Variants in POLR3K observed in about 807,000 individuals in gnomAD.
POLR3K encodes the protein DNA-directed RNA polymerase III subunit RPC10.
A neutral mutation model predicts 13.5 loss-of-function variants in POLR3K; 11 were observed. The ratio of observed to expected loss-of-function variants is 0.81; its 90% confidence interval spans 0.51 to 1.35. The LOEUF (loss-of-function observed/expected upper bound fraction) is 1.35. POLR3K is among the 40% of genes most tolerant of loss of function. POLR3K has a pLI of 0.00. For missense variants in POLR3K, 144 were observed against 145.3 expected (o/e 0.99, Z 0.05); for synonymous variants, 56 against 51.5 (o/e 1.09, Z -0.38).
intron 2 of POLR3K, among the ~76,000 whole-genome samples, chr16:51,270 G>T (rs1193789216): frequency 6.6e-6 from 1 of 151,876 alleles, no homozygotes; most frequent in African/African-American, 2.4e-5. Context: ...CGCGGTCTAC[G>T]AATATGGATT....
rs1473162863 is a variant in POLR3K at position 47,835 on chromosome 16, C to T, written c.200-278G>A. Among the ~76,000 whole-genome samples the T allele has an allele frequency of 5.7e-5, 6 of 105,268 alleles. No individual in the cohort carries two copies. The South Asian group carries it at 1.1e-3, about 20-fold the overall frequency. 69.1% of individuals were successfully genotyped at this position (105,268 alleles called of 152,430 possible). A position where few individuals can be genotyped will look rare whatever the true frequency, so the allele number is the denominator to read the frequency against. On this transcript the variant is annotated intron_variant, in intron 2 of 2. Transcript: ENST00000293860. ...GGCAGAGATTGCAGTGAGCCAAGAT[C>T]GTGCCACTGCACTCAAAAAAAAAAA... is the stretch of plus-strand genomic sequence containing the variant.
intron 1 of POLR3K, among the ~76,000 whole-genome samples, chr16:52,412 A>G (rs927746040): frequency 1.4e-5 from 2 of 142,690 alleles, no homozygotes; most frequent in Non-Finnish European, 3.0e-5. Context: ...ACGCCATTGC[A>G]CTCCAGCCTG....
chr16:50,286 A>G (rs1200744527), intron 2 of POLR3K, among the ~76,000 whole-genome samples: 1 of 151,954 alleles, frequency 6.6e-6, no homozygotes, highest in Non-Finnish European at 1.5e-5. Flanking sequence ...GGGGAAAACC[A>G]CAGTACTAAC....
rs540619000 is a variant in POLR3K at position 51,625 on chromosome 16, T to A, written c.132A>T (p.Pro44=). The A allele has an allele frequency of 6.2e-7, 1 of 1,614,116 alleles. No individual in the cohort carries two copies. Among genetic ancestry groups the A allele is most frequent in the African/African-American group, 1.3e-5 (1 of 75,042 alleles). ...GCACATCATCCACTTCTTTCAGTTT[T>A]GGGTACTTCCGATTTGTTACCTAAC... ...ITRKVTNRKY[P]KLKEVDDVLG... Residue 44 remains proline (P), a synonymous_variant, in exon 2 of 3, where the codon CCA becomes CCT. Transcript: ENST00000293860.
At position 53,456 on chromosome 16, in the gene POLR3K, C is replaced by A; in HGVS notation, c.111+20G>T. ...GCCTGCGAGAGTCGCCCGCGCCCAG[C>A]GCCGGCCTTCGGGTCCCACCTTGCG... is the stretch of plus-strand genomic sequence containing the variant. On this transcript the variant is annotated intron_variant, in intron 1 of 2. Coordinates refer to ENST00000293860, the MANE Select transcript of POLR3K (RefSeq NM_016310.5). 1.9e-6 allele frequency: 3 copies of A among 1,597,142 alleles called. No individual in the cohort carries two copies. The highest frequency in any genetic ancestry group is 2.6e-6 in the Non-Finnish European group (3 of 1,171,104).
chr16:48,765 C>T (rs188049600), intron 2 of POLR3K, among the ~76,000 whole-genome samples: 8 of 149,428 alleles, frequency 5.4e-5, no homozygotes, highest in Admixed American at 4.0e-4. Context: ...GAGCCGAGAT[C>T]GCGCCACTGC....
At chr16:50,052 G>A (rs888577235) in intron 2 of POLR3K, among the ~76,000 whole-genome samples, 1 of 149,132 alleles carries the variant, frequency 6.7e-6, no homozygotes, top group South Asian at 2.1e-4. Context: ...TCCACTTCCC[G>A]GGTTCAAGCG....
At chr16:50,062 G>A (rs1309552215) in intron 2 of POLR3K, among the ~76,000 whole-genome samples, 2 of 151,956 alleles carry the variant, frequency 1.3e-5, no homozygotes, top group East Asian at 1.9e-4. Context: ...GGGTTCAAGC[G>A]ATTCTCCTGT....
intron 1 of POLR3K, among the ~76,000 whole-genome samples, chr16:52,656 A>C (rs1897347245): frequency 7.0e-6 from 1 of 142,472 alleles, no homozygotes; most frequent in African/African-American, 2.6e-5. Context: ...GTCCCAGCTA[A>C]TTGGGAGGCT....
intron 2 of POLR3K, among the ~76,000 whole-genome samples, chr16:48,318 ACT>A (rs1897301751): frequency 6.6e-6 from 1 of 152,008 alleles, no homozygotes; most frequent in Non-Finnish European, 1.5e-5. Flanking sequence ...GAGACCTGTG[ACT>A]CACACACTCT....
chr16:48,685 C>A (rs1897304870), intron 2 of POLR3K, among the ~76,000 whole-genome samples: 1 of 151,750 alleles, frequency 6.6e-6, no homozygotes, highest in Admixed American at 6.6e-5. Context: ...GTGTCGGGTG[C>A]CTGCAGTCCC....
intron 2 of POLR3K, among the ~76,000 whole-genome samples, chr16:49,353 A>G (rs77046488): frequency 0.2 from 30,364 of 151,814 alleles, 3,250 homozygotes; most frequent in Middle Eastern, 0.31. Context: ...AAGGAGAATC[A>G]CTTGAACCTG....
rs1209565587 is a variant in POLR3K, at chr16:53,518, G to A, written c.69C>T (p.Phe23=). The part of the protein sequence containing the change: ...IVEEGQRCHR[F]ACNTCPYVHN... ...GCACGTAGGGGCACGTGTTGCAGGCGAAGCGGTGGCAGCGTTGTCCCTCCT... is the reference window on the plus strand; with the variant it reads ...GCACGTAGGGGCACGTGTTGCAGGCAAAGCGGTGGCAGCGTTGTCCCTCCT... The change falls in exon 1 of 3, where the codon TTC becomes TTT. Residue 23 remains phenylalanine, a synonymous_variant. Coordinates refer to ENST00000293860, the MANE Select transcript of POLR3K (RefSeq NM_016310.5). 6.2e-7 allele frequency: 1 copy of A among 1,613,106 alleles called. No individual in the cohort carries two copies. The highest frequency in any genetic ancestry group is 8.5e-7 in the Non-Finnish European group (1 of 1,179,708).
At position 51,631 on chromosome 16, in the gene POLR3K, C is replaced by T; in HGVS notation, c.126G>A (p.Lys42=). 1 of 1,613,988 alleles carries T rather than the reference C, an allele frequency of 6.2e-7. No individual in the cohort carries two copies. The highest frequency in any genetic ancestry group is 8.5e-7 in the Non-Finnish European group (1 of 1,179,880). The change falls in exon 2 of 3, where the codon AAG becomes AAA. Residue 42 remains lysine, a synonymous_variant. Transcript: ENST00000293860. The part of the protein sequence containing the change: ...HNITRKVTNR[K]YPKLKEVDDV... ...CATCCACTTCTTTCAGTTTTGGGTA[C>T]TTCCGATTTGTTACCTAACAAAAAC...
intron 1 of POLR3K, among the ~76,000 whole-genome samples, chr16:52,809 T>C (rs371881622): frequency 1.6e-5 from 2 of 122,068 alleles, no homozygotes; most frequent in Admixed American, 1.7e-4. Context: ...TAAAAAAAAA[T>C]AAAGAAAGCA....
intron 2 of POLR3K, among the ~76,000 whole-genome samples, chr16:49,662 G>A (rs1446045791): frequency 2.1e-5 from 3 of 145,526 alleles, no homozygotes; most frequent in Non-Finnish European, 4.5e-5. Flanking sequence ...TTTTTGAGAC[G>A]GAGTTTTGCT....
chr16:48,716 CAA>C (rs1368996331), intron 2 of POLR3K, among the ~76,000 whole-genome samples: 1 of 150,996 alleles, frequency 6.6e-6, no homozygotes, highest in East Asian at 1.9e-4. Flanking sequence ...GAGGCTGAGG[CAA>C]GAGAATTGCG....
At chr16:50,125 T>C (rs977857496) in intron 2 of POLR3K, among the ~76,000 whole-genome samples, 10 of 152,076 alleles carry the variant, frequency 6.6e-5, no homozygotes, top group African/African-American at 2.4e-4. Context: ...GCCTGGCTAA[T>C]TTTTTGTATT....
At chr16:50,647 T>C (rs1299139378) in intron 2 of POLR3K, among the ~76,000 whole-genome samples, 2 of 151,778 alleles carry the variant, frequency 1.3e-5, no homozygotes, top group Non-Finnish European at 1.5e-5. Flanking sequence ...CTCAGCCTCC[T>C]GAGCAGTTGG....
Sources: allele counts gnomAD v4.1 joint callset (sites outside exome capture counted in the v4.1 genomes callset), GRCh38; gene constraint gnomAD v4.1.1; transcripts MANE v1.5; gene names NCBI Gene and HGNC (gene_info 2026-07-23, HGNC 2026-07-21).